Variants in CCDC146 observed in about 807,000 individuals in gnomAD.
CCDC146 encodes coiled-coil domain-containing protein 146.
Under a neutral mutation model 119.3 loss-of-function variants are expected in CCDC146, and 92 were observed. The ratio of observed to expected loss-of-function variants is 0.77; its 90% CI spans 0.65 to 0.92. CCDC146 has a LOEUF of 0.92. Among genes scored for constraint, CCDC146 ranks in the 40% least tolerant of loss-of-function variants. The pLI is 0.00. For missense variants in CCDC146, 1,000 were observed against 1,103.0 expected, an observed-to-expected ratio of 0.91 and a Z score of 1.32; for synonymous variants, 372 against 371.8, an observed-to-expected ratio of 1.00 and a Z score of -0.01.
intron 2 of CCDC146, among the ~76,000 whole-genome samples, chr7:77,210,187 T>A (rs1792156243): frequency 6.6e-6 from 1 of 152,246 alleles, no homozygotes; most frequent in Non-Finnish European, 1.5e-5. Context: ...TAAGTTCCAA[T>A]TTCAGATAAT....
intron 1 of CCDC146, among the ~76,000 whole-genome samples, chr7:77,128,944 G>A (rs1399683755): frequency 1.3e-5 from 2 of 152,074 alleles, no homozygotes; most frequent in Non-Finnish European, 2.9e-5. Flanking sequence ...AAGTGTAGCC[G>A]AAATCCCATG....
At chr7:77,178,696 C>G (rs969713812) in intron 2 of CCDC146, among the ~76,000 whole-genome samples, 3 of 152,120 alleles carry the variant, frequency 2.0e-5, no homozygotes, top group Admixed American at 6.6e-5. Flanking sequence ...AAATAATGAT[C>G]TAAACTTTGA....
chr7:77,267,009 T>G (rs1403630205), intron 9 of CCDC146, among the ~76,000 whole-genome samples: 1 of 103,292 alleles, frequency 9.7e-6, no homozygotes, highest in Admixed American at 1.1e-4. Flanking sequence ...TTTTTTTTTT[T>G]GAGACAGAGT....
intron 9 of CCDC146, among the ~76,000 whole-genome samples, chr7:77,269,016 A>G (rs748763297): frequency 1.3e-5 from 2 of 152,216 alleles, no homozygotes; most frequent in Non-Finnish European, 2.9e-5. Context: ...CTATGGAAGT[A>G]TATGTCCTTC....
intron 4 of CCDC146, chr7:77,242,524 T>A (rs1369923382): frequency 3.2e-6 from 1 of 310,090 alleles, no homozygotes; most frequent in Non-Finnish European, 4.7e-6. Flanking sequence ...AGGGGAAATG[T>A]TATCTTCAAA....
intron 1 of CCDC146, among the ~76,000 whole-genome samples, chr7:77,143,976 G>T (rs1016244989): frequency 6.6e-6 from 1 of 151,792 alleles, no homozygotes; most frequent in African/African-American, 2.4e-5. Flanking sequence ...GCTTGATGGG[G>T]ATGGCATTGA....
Position 77,196,971 on chromosome 7 carries a change from A to G in CCDC146, c.156+29147A>G, listed in dbSNP as rs749496298. ...GCGTAGTAGTCAGAGCAATCTTTAT[A>G]TATTAGATGTTGAACTGAAGGGGAA... is the stretch of plus-strand genomic sequence containing the variant. On this transcript the variant is annotated intron_variant, in intron 2 of 18. Coordinates refer to ENST00000285871, the MANE Select transcript of CCDC146 (RefSeq NM_020879.3). This position sits in a 1 kb window ranked among gnomAD's most constrained non-coding sequence, Gnocchi z 4.2. 2 of 1,600,398 alleles carry G rather than the reference A, an allele frequency of 1.2e-6. No individual in the cohort carries two copies. Among genetic ancestry groups the G allele is most frequent in the East Asian group, 2.2e-5 (1 of 44,830 alleles).
At chr7:77,199,958 A>G (rs3093273) in intron 2 of CCDC146, 76,800 of 700,674 alleles carry the variant, frequency 0.11, 5,789 homozygotes, top group East Asian at 0.31. Context: ...CATCAAACGC[A>G]GTTTGCCAAA....
At chr7:77,199,457 C>T (rs770972258) in intron 2 of CCDC146, 2 of 1,614,084 alleles carry the variant, frequency 1.2e-6, no homozygotes, top group Middle Eastern at 1.6e-4. Flanking sequence ...AACAACAGTC[C>T]GTTTCTGCCT....
intron 1 of CCDC146, among the ~76,000 whole-genome samples, chr7:77,136,784 C>T (rs1323502783): frequency 6.6e-6 from 1 of 152,104 alleles, no homozygotes; most frequent in Non-Finnish European, 1.5e-5. Context: ...TATTCTAATG[C>T]CAAATCTAGA....
rs767712644 is a variant in CCDC146, at chr7:77,134,559, G to GTC, written c.-12+11828_-12+11829insCT. Among the ~76,000 whole-genome samples, 371 of 124,156 alleles carry GTC rather than the reference G, an allele frequency of 3.0e-3. 1 individual carries two copies. Among genetic ancestry groups the GTC allele is most frequent in the African/African-American group, 0.013 (336 of 26,640 alleles). The allele number at this position is 124,156 out of a possible 152,430, so 81.5% of individuals were successfully genotyped here. A position where few individuals can be genotyped will look rare whatever the true frequency, so the allele number is the denominator to read the frequency against. On this transcript the variant is annotated intron_variant, in intron 1 of 18. Transcript: ENST00000285871. ...GGCCACTCTGTGTGTGTGTGTGTGT[G>GTC]TGTCTGTGTGTGTGTGTGTGTGTGT...
At chr7:77,247,955 AATC>A (rs1030603151) in intron 4 of CCDC146, among the ~76,000 whole-genome samples, 2 of 152,196 alleles carry the variant, frequency 1.3e-5, no homozygotes, top group African/African-American at 4.8e-5. Flanking sequence ...AAGAAAAAGA[AATC>A]ATATCCAAAA....
intron 17 of CCDC146, among the ~76,000 whole-genome samples, chr7:77,292,348 G>C (rs968275602): frequency 9.5e-5 from 14 of 147,650 alleles, no homozygotes; most frequent in African/African-American, 3.5e-4. Flanking sequence ...AGGCGCGGTG[G>C]CTCACGCCTG....
At chr7:77,216,023 C>A (rs920881149) in intron 2 of CCDC146, among the ~76,000 whole-genome samples, 4 of 151,922 alleles carry the variant, frequency 2.6e-5, no homozygotes, top group Non-Finnish European at 5.9e-5. Context: ...CCTCCCTTTT[C>A]CTGTAACAAC....
In CCDC146 at chr7:77,158,137, T is replaced by C. The variant is rs150418597; in HGVS notation, c.-11-9521T>C. Among the ~76,000 whole-genome samples, 63 of 150,560 alleles carry C rather than the reference T, an allele frequency of 4.2e-4. No homozygotes were observed. In the East Asian group the frequency reaches 0.012, roughly 28 times the overall value. The stretch of plus-strand genomic sequence containing the variant: ...TATCTACTCTCCTAAGAACGTTGCT[T>C]TTTATTTGGGCTTATTTTACCTCAG... On this transcript the variant is annotated intron_variant, in intron 1 of 18. Coordinates refer to ENST00000285871, the MANE Select transcript of CCDC146 (RefSeq NM_020879.3).
At chr7:77,181,609 AT>A (rs1446016197) in intron 2 of CCDC146, among the ~76,000 whole-genome samples, 1 of 151,936 alleles carries the variant, frequency 6.6e-6, no homozygotes, top group African/African-American at 2.4e-5. Flanking sequence ...TTCTGCTCAC[AT>A]TTTTTTCCCA....
At chr7:77,152,923 A>G (rs892380860) in intron 1 of CCDC146, among the ~76,000 whole-genome samples, 2 of 152,222 alleles carry the variant, frequency 1.3e-5, no homozygotes, top group Non-Finnish European at 2.9e-5. Flanking sequence ...GCATTGTCCA[A>G]TTTAATCCTC....
At chr7:77,130,852 C>G (rs1188507575) in intron 1 of CCDC146, among the ~76,000 whole-genome samples, 1 of 150,590 alleles carries the variant, frequency 6.6e-6, no homozygotes, top group Non-Finnish European at 1.5e-5. Context: ...CCGTCTGGGC[C>G]TCCCAAAGTG....
At chr7:77,153,009 G>A (rs1390799837) in intron 1 of CCDC146, among the ~76,000 whole-genome samples, 1 of 152,134 alleles carries the variant, frequency 6.6e-6, no homozygotes, top group Non-Finnish European at 1.5e-5. Flanking sequence ...ACGTCACCCA[G>A]GAAGGAGAGG....
Sources: gnomAD v4.1 joint callset for allele counts (sites outside exome capture counted in the v4.1 genomes callset) on GRCh38, gnomAD v4.1.1 for gene constraint, Gnocchi (gnomAD v3.1) non-coding constraint, MANE v1.5 for transcripts, NCBI Gene and HGNC (gene_info 2026-07-23, HGNC 2026-07-21) for gene names.